Variants in COL5A2 observed in about 807,000 individuals in gnomAD.
COL5A2 encodes collagen type V alpha 2 chain.
A neutral mutation model predicts 208.2 loss-of-function variants in COL5A2; 23 were observed. The ratio of observed to expected loss-of-function variants is 0.11; its 90% confidence interval spans 0.08 to 0.16. The LOEUF (loss-of-function observed/expected upper bound fraction) is 0.16. Ranked by LOEUF, COL5A2 falls within the 10% of genes least tolerant of loss-of-function variation. The pLI is 1.00. For missense variants in COL5A2, 1,590 were observed against 1,956.4 expected (o/e 0.81, Z 3.53); for synonymous variants, 625 against 628.5 (o/e 0.99, Z 0.08).
chr2:189,433,675 T>A, the COL5A2 span, among the ~76,000 whole-genome samples: 1 of 152,150 alleles, frequency 6.6e-6, no homozygotes, highest in African/African-American at 2.4e-5. Flanking sequence ...GGCTCTGAAA[T>A]TGAGGCAATA....
the COL5A2 span, among the ~76,000 whole-genome samples, chr2:189,430,506 C>T: frequency 2.6e-5 from 4 of 152,184 alleles, no homozygotes; most frequent in African/African-American, 9.7e-5. Flanking sequence ...TGTGCTTTTC[C>T]CAAGGTCTTA....
intron 1 of COL5A2, among the ~76,000 whole-genome samples, chr2:189,214,363 C>A (rs1319778981): frequency 3.3e-5 from 5 of 151,902 alleles, no homozygotes; most frequent in Admixed American, 3.3e-4. Flanking sequence ...AATAGAGATG[C>A]CTAATTAATG....
the COL5A2 span, among the ~76,000 whole-genome samples, chr2:189,265,203 T>A: frequency 6.6e-6 from 1 of 152,130 alleles, no homozygotes; most frequent in African/African-American, 2.4e-5. Context: ...ATTTCTTATG[T>A]GACATCAAAA....
chr2:189,055,802 A>G (rs551582426), intron 35 of COL5A2, among the ~76,000 whole-genome samples: 4 of 152,302 alleles, frequency 2.6e-5, no homozygotes, highest in Non-Finnish European at 5.9e-5. Flanking sequence ...TTGCAATTTC[A>G]AAGTTAGTTC....
At chr2:189,228,729 A>T (rs562073910), upstream of COL5A2, among the ~76,000 whole-genome samples, 26 of 152,010 alleles carry the variant, frequency 1.7e-4, no homozygotes, top group Non-Finnish European at 2.9e-4. Context: ...AAAACCTACC[A>T]AACATTTAAA....
intron 1 of COL5A2, among the ~76,000 whole-genome samples, chr2:189,212,314 A>C (rs1689223522): frequency 6.6e-6 from 1 of 152,144 alleles, no homozygotes; most frequent in Non-Finnish European, 1.5e-5. Context: ...AAGGCCCATC[A>C]AATGGGCTGG....
chr2:189,355,262 T>C, the COL5A2 span, among the ~76,000 whole-genome samples: 1 of 152,174 alleles, frequency 6.6e-6, no homozygotes, highest in Non-Finnish European at 1.5e-5. Flanking sequence ...TTCTGTTCGT[T>C]TGGGATGGAG....
At chr2:189,236,609 C>A in the COL5A2 span, among the ~76,000 whole-genome samples, 1 of 151,656 alleles carries the variant, frequency 6.6e-6, no homozygotes, top group Non-Finnish European at 1.5e-5. Flanking sequence ...TACTTGATGA[C>A]CAAATAAAGT....
At chr2:189,255,623 T>G in the COL5A2 span, among the ~76,000 whole-genome samples, 1 of 152,350 alleles carries the variant, frequency 6.6e-6, no homozygotes, top group Non-Finnish European at 1.5e-5. Flanking sequence ...TGATTCAATT[T>G]GATAAACATT....
At chr2:189,345,912 T>C in the COL5A2 span, among the ~76,000 whole-genome samples, 2 of 152,216 alleles carry the variant, frequency 1.3e-5, no homozygotes, top group Non-Finnish European at 2.9e-5. Flanking sequence ...CATTACTCCA[T>C]ACTAGTAAGT....
At chr2:189,403,213 C>A in the COL5A2 span, among the ~76,000 whole-genome samples, 1 of 152,078 alleles carries the variant, frequency 6.6e-6, no homozygotes, top group Non-Finnish European at 1.5e-5. Context: ...TCTTGGCTTG[C>A]CTGTTATTGG....
rs779241228 is a variant in COL5A2 at position 189,081,037 on chromosome 2, G to A, written c.859C>T (p.Arg287Cys). 5.0e-6 allele frequency: 8 copies of A among 1,613,090 alleles called. No homozygotes were observed. The highest frequency in any genetic ancestry group is 1.3e-5 in the African/African-American group (1 of 74,816). ...AGACCAGGAGCCCCAGGAAATCCAC[G>A]AGCTCCCTGGGAGGAAAACATAGAT... ...EVGFAGSPGA[R>C]GFPGAPGLPG... The change falls in exon 13 of 54, where the codon CGT becomes TGT. Residue 287 changes from arginine (R) to cysteine (C), a missense_variant. By Grantham distance (180) the Arg-to-Cys change is radical (BLOSUM62 -3). Coordinates refer to ENST00000374866, the MANE Select transcript of COL5A2 (RefSeq NM_000393.5).
chr2:189,206,400 CA>C (rs1291750444), intron 1 of COL5A2, among the ~76,000 whole-genome samples: 2 of 152,206 alleles, frequency 1.3e-5, no homozygotes, highest in Admixed American at 6.5e-5. Context: ...ACAGAGGGCA[CA>C]TATGCTTTCA....
chr2:189,045,446 C>T (rs1482184688), intron 46 of COL5A2, among the ~76,000 whole-genome samples: 4 of 152,046 alleles, frequency 2.6e-5, no homozygotes, highest in Non-Finnish European at 5.9e-5. Flanking sequence ...TTCAATGACA[C>T]TTTTACGGTC....
chr2:189,366,035 C>T, the COL5A2 span, among the ~76,000 whole-genome samples: 1 of 152,152 alleles, frequency 6.6e-6, no homozygotes, highest in African/African-American at 2.4e-5. Context: ...CTCCTCATGT[C>T]CTATATTATT....
the COL5A2 span, among the ~76,000 whole-genome samples, chr2:189,409,256 A>T: frequency 3.0e-5 from 4 of 135,012 alleles, no homozygotes; most frequent in African/African-American, 1.1e-4. Context: ...TGTTACCCAG[A>T]GATGAAATAC....
At chr2:189,073,521 A>T (rs1311509423) in intron 17 of COL5A2, among the ~76,000 whole-genome samples, 1 of 151,856 alleles carries the variant, frequency 6.6e-6, no homozygotes, top group African/African-American at 2.4e-5. Context: ...TTACATTTAA[A>T]TTGGATTGGA....
intron 1 of COL5A2, among the ~76,000 whole-genome samples, chr2:189,111,171 A>G (rs1239963348): frequency 1.3e-5 from 2 of 152,144 alleles, no homozygotes; most frequent in Non-Finnish European, 2.9e-5. Flanking sequence ...ATATTTGTCT[A>G]GTGCTTTTCT....
the COL5A2 span, among the ~76,000 whole-genome samples, chr2:189,426,745 C>T: frequency 2.0e-5 from 3 of 152,290 alleles, no homozygotes; most frequent in East Asian, 3.9e-4. Flanking sequence ...CCTGCTCTAG[C>T]GATGTGTGGA....
Sources: gnomAD v4.1 joint callset for allele counts (sites outside exome capture counted in the v4.1 genomes callset) on GRCh38, gnomAD v4.1.1 for gene constraint, MANE v1.5 for transcripts, NCBI Gene and HGNC (gene_info 2026-07-23, HGNC 2026-07-21) for gene names.